Variants in PARD3 observed in about 807,000 individuals in gnomAD.
The protein encoded by PARD3 is partitioning defective 3 homolog.
A neutral mutation model predicts 155.4 loss-of-function variants in PARD3; 75 were observed. The ratio of observed to expected loss-of-function variants is 0.48; its 90% confidence interval spans 0.40 to 0.58. The LOEUF is 0.58. Ranked by LOEUF, PARD3 falls within the 20% of genes least tolerant of loss-of-function variation. PARD3 has a pLI of 0.00. For missense variants in PARD3, 1,642 were observed against 1,721.7 expected (o/e 0.95, Z 0.82); for synonymous variants, 576 against 610.5 (o/e 0.94, Z 0.83).
At chr10:34,516,096 C>G (rs982116584) in intron 3 of PARD3, among the ~76,000 whole-genome samples, 37 of 152,032 alleles carry the variant, frequency 2.4e-4, no homozygotes, top group Admixed American at 2.6e-4. Flanking sequence ...TCCCAAGTAG[C>G]TGGGATTACA....
At chr10:34,163,125 A>G (rs1363068198) in intron 22 of PARD3, among the ~76,000 whole-genome samples, 1 of 152,230 alleles carries the variant, frequency 6.6e-6, no homozygotes, top group East Asian at 1.9e-4. Context: ...ATGAAAGACA[A>G]TGGCGTTTCA....
chr10:34,442,590 C>G (rs1382898221), intron 5 of PARD3, among the ~76,000 whole-genome samples: 1 of 152,186 alleles, frequency 6.6e-6, no homozygotes, highest in Non-Finnish European at 1.5e-5. Flanking sequence ...AAAGAAAATA[C>G]AGGCATCATG....
At chr10:34,338,280 C>T (rs1836414715) in intron 16 of PARD3, among the ~76,000 whole-genome samples, 1 of 152,226 alleles carries the variant, frequency 6.6e-6, no homozygotes, top group Admixed American at 6.5e-5. Context: ...AAGTGTTCCT[C>T]CAACGCAAGT....
In PARD3 at chr10:34,331,354, T is replaced by A. The variant is rs909341500; in HGVS notation, c.2606-10A>T. The A allele has an allele frequency of 1.3e-6, 2 of 1,592,400 alleles. No individual in the cohort carries two copies. The highest frequency in any genetic ancestry group is 3.4e-5 in the Admixed American group (2 of 59,182). On this transcript the variant is annotated splice_polypyrimidine_tract_variant and intron_variant, in intron 18 of 24. Transcript: ENST00000374788. ...TCTCTGCTGGGAGAACCTGGGAGGT[T>A]TACAAGAAAAAAAATGTTAGTGTGA... is the stretch of plus-strand genomic sequence containing the variant.
At chr10:34,532,496 G>T (rs570129573) in intron 2 of PARD3, among the ~76,000 whole-genome samples, 1 of 151,960 alleles carries the variant, frequency 6.6e-6, no homozygotes, top group Non-Finnish European at 1.5e-5. Context: ...CCATGTGCCC[G>T]CTATGTGCCA....
chr10:34,664,706 G>C (rs12242228), intron 2 of PARD3, among the ~76,000 whole-genome samples: 3,848 of 152,038 alleles, frequency 0.025, 169 homozygotes, highest in African/African-American at 0.087. Context: ...GGCTGGTCTC[G>C]AACTCCTGAC....
chr10:34,129,505 G>C (rs1947474528), intron 23 of PARD3, among the ~76,000 whole-genome samples: 1 of 152,150 alleles, frequency 6.6e-6, no homozygotes, highest in Non-Finnish European at 1.5e-5. Context: ...GAGGCCGGAA[G>C]AGCCAGGCCA....
intron 2 of PARD3, among the ~76,000 whole-genome samples, chr10:34,619,725 T>C (rs2091512453): frequency 6.6e-6 from 1 of 152,166 alleles, no homozygotes. Context: ...TAGGATCATC[T>C]GGTTTAACTA....
At chr10:34,251,432 T>C (rs112877911) in intron 22 of PARD3, among the ~76,000 whole-genome samples, 4 of 152,172 alleles carry the variant, frequency 2.6e-5, no homozygotes, top group Non-Finnish European at 5.9e-5. Flanking sequence ...GTGCCTTACA[T>C]GTAGTCATTC....
At chr10:34,464,632 A>C (rs1015952056) in intron 4 of PARD3, among the ~76,000 whole-genome samples, 13 of 152,226 alleles carry the variant, frequency 8.5e-5, no homozygotes, top group Non-Finnish European at 2.9e-5. Flanking sequence ...AATGTCATAC[A>C]ACAGAAAAAA....
intron 22 of PARD3, among the ~76,000 whole-genome samples, chr10:34,210,748 T>C (rs965321278): frequency 8.6e-5 from 13 of 151,956 alleles, no homozygotes; most frequent in Non-Finnish European, 1.5e-4. Flanking sequence ...GGAAATAGGG[T>C]GTCTGGGATG....
chr10:34,692,624 T>C (rs1401949968), intron 2 of PARD3, among the ~76,000 whole-genome samples: 1 of 152,222 alleles, frequency 6.6e-6, no homozygotes, highest in Non-Finnish European at 1.5e-5. Flanking sequence ...CCTGTAATCC[T>C]AGCACTTTGG....
chr10:34,194,199 C>G (rs1027059042), intron 22 of PARD3, among the ~76,000 whole-genome samples: 1 of 152,180 alleles, frequency 6.6e-6, no homozygotes, highest in South Asian at 2.1e-4. Context: ...ATAAGACATA[C>G]TAAGCAAAAT....
In PARD3 at chr10:34,784,386, TACTA is replaced by T. The variant is rs1207500471; in HGVS notation, c.120+30486_120+30489del. 3.3e-5 allele frequency among the ~76,000 whole-genome samples: 5 copies of T among 151,942 alleles called. No homozygotes were observed. In the East Asian group the frequency reaches 9.7e-4, roughly 29 times the overall value. ...TTACATTCCCCAATGAAGATGTGAA[TACTA>T]ACAAGAGTAGGGCAAAGTGGAGATA... is the stretch of plus-strand genomic sequence containing the variant. On this transcript the variant is annotated intron_variant, in intron 1 of 24. Coordinates refer to ENST00000374788, the MANE Select transcript of PARD3 (RefSeq NM_001184785.2).
chr10:34,196,520 A>G (rs1471902990), intron 22 of PARD3, among the ~76,000 whole-genome samples: 1 of 145,622 alleles, frequency 6.9e-6, no homozygotes, highest in African/African-American at 2.6e-5. Flanking sequence ...CTTGTTACTT[A>G]GTTTTGCCTG....
chr10:34,794,154 A>C (rs1564626186), intron 1 of PARD3, among the ~76,000 whole-genome samples: 1 of 152,162 alleles, frequency 6.6e-6, no homozygotes, highest in Non-Finnish European at 1.5e-5. Flanking sequence ...ACAAGGGGAC[A>C]AGGGTTTCCA....
At chr10:34,553,545 T>C (rs623335) in intron 2 of PARD3, among the ~76,000 whole-genome samples, 56,186 of 152,028 alleles carry the variant, frequency 0.37, 10,751 homozygotes, top group South Asian at 0.45. Context: ...GAGAAAACTG[T>C]CTTGCTCAGC....
intron 4 of PARD3, among the ~76,000 whole-genome samples, chr10:34,461,102 C>T (rs1342207087): frequency 2.6e-5 from 4 of 152,038 alleles, no homozygotes; most frequent in Admixed American, 1.3e-4. Context: ...CCAAAGGCAG[C>T]CCAGATCATA....
chr10:34,718,261 A>G (rs576784483), intron 1 of PARD3, among the ~76,000 whole-genome samples: 1 of 152,314 alleles, frequency 6.6e-6, no homozygotes, highest in East Asian at 1.9e-4. Flanking sequence ...CAGTACATGA[A>G]TTGAGAAAAT....
Sources: allele counts gnomAD v4.1 joint callset (sites outside exome capture counted in the v4.1 genomes callset), GRCh38; gene constraint gnomAD v4.1.1; transcripts MANE v1.5; gene names NCBI Gene and HGNC (gene_info 2026-07-23, HGNC 2026-07-21).